The following ZEB2 variants were observed in gnomAD, a reference collection of about 807,000 sequenced individuals.
The protein encoded by ZEB2 is zinc finger E-box binding homeobox 2.
In ZEB2, 6 loss-of-function variants were observed where a neutral mutation model predicts 99.9. That is an observed-to-expected ratio of 0.06 (90% CI 0.03 to 0.12). ZEB2 has a LOEUF of 0.12. ZEB2 is among the 10% of genes least tolerant of loss of function. The probability of loss-of-function intolerance (pLI) is 1.00; values close to 1 mark genes in which losing one functional copy is unlikely to be tolerated. For missense variants in ZEB2, 969 were observed against 1,502.8 expected (o/e 0.64, Z 5.87); for synonymous variants, 517 against 542.5 (o/e 0.95, Z 0.65).
At chr2:144,440,499 ATATATATATATATATATTTTTTTTTT>A (rs1254467527) in intron 2 of ZEB2, among the ~76,000 whole-genome samples, 4,559 of 22,956 alleles carry the variant, frequency 0.2, 121 homozygotes, top group Non-Finnish European at 0.25. Context: ...ATATATATAT[ATATATATATATATATATTTTTTTTTT>A]TTTTTTTTTT....
intron 8 of ZEB2, among the ~76,000 whole-genome samples, chr2:144,397,054 C>T (rs572151738): frequency 6.6e-6 from 1 of 152,238 alleles, no homozygotes; most frequent in East Asian, 1.9e-4. Context: ...AAATGTATGT[C>T]TACCAACTAA....
At chr2:144,392,078 C>T (rs907538352) in intron 9 of ZEB2, among the ~76,000 whole-genome samples, 15 of 152,070 alleles carry the variant, frequency 9.9e-5, no homozygotes, top group Admixed American at 3.9e-4. Context: ...CTAAGTAGGA[C>T]GCATGCAGCA....
chr2:144,459,016 T>C (rs1419823351), intron 2 of ZEB2, among the ~76,000 whole-genome samples: 1 of 152,180 alleles, frequency 6.6e-6, no homozygotes, highest in East Asian at 1.9e-4. Flanking sequence ...CTGCTGTTTA[T>C]AATAAATGAA....
At chr2:144,473,754 G>A (rs937073052) in intron 2 of ZEB2, among the ~76,000 whole-genome samples, 4 of 152,032 alleles carry the variant, frequency 2.6e-5, no homozygotes, top group Admixed American at 6.6e-5. Flanking sequence ...AGAGTGAAGT[G>A]GCCGAAGAAA....
In ZEB2 at chr2:144,404,922, C is replaced by T. The variant is rs1414304969; in HGVS notation, c.506G>A (p.Arg169His). Residue 169 changes from arginine to histidine, a missense_variant, in exon 5 of 10, where the codon CGC becomes CAC. Physicochemically the swap from Arg to His is conservative, Grantham distance 29. Coordinates refer to ENST00000627532, the MANE Select transcript of ZEB2 (RefSeq NM_014795.4). ...HAVSIEEYLQ[R>H]SDTAIIYPEA... ...TGGGTAAATAATGGCTGTGTCACTG[C>T]GCTGAAGGTACTCCTCGATGCTGAC... The T allele has an allele frequency of 3.1e-6, 5 of 1,614,226 alleles. No individual in the cohort carries two copies. Among genetic ancestry groups the T allele is most frequent in the South Asian group, 1.1e-5 (1 of 91,084 alleles).
At chr2:144,501,846 T>C (rs1353112152) in intron 2 of ZEB2, among the ~76,000 whole-genome samples, 1 of 152,196 alleles carries the variant, frequency 6.6e-6, no homozygotes, top group African/African-American at 2.4e-5. Flanking sequence ...AATTTTCTCA[T>C]GAAACTAAGA....
intron 2 of ZEB2, among the ~76,000 whole-genome samples, chr2:144,474,744 T>C (rs538969186): frequency 6.6e-6 from 1 of 152,316 alleles, no homozygotes; most frequent in South Asian, 2.1e-4. Flanking sequence ...TCCATAACCA[T>C]GACCATTCAT....
At chr2:144,446,330 C>T (rs771336197) in intron 2 of ZEB2, among the ~76,000 whole-genome samples, 10 of 151,778 alleles carry the variant, frequency 6.6e-5, no homozygotes, top group Non-Finnish European at 1.5e-4. Flanking sequence ...TCCTTCCTTC[C>T]TCCCTTCTTT....
chr2:144,456,476 A>G (rs1200184885), intron 2 of ZEB2, among the ~76,000 whole-genome samples: 2 of 152,168 alleles, frequency 1.3e-5, no homozygotes, highest in African/African-American at 4.8e-5. Flanking sequence ...AGACAAGTTT[A>G]TAAATTCTCA....
At chr2:144,516,842 T>G (rs1705155991) in intron 2 of ZEB2, 1 of 151,626 alleles carries the variant, frequency 6.6e-6, no homozygotes, top group African/African-American at 2.4e-5. Context: ...GCAGTCTCTC[T>G]GCCACCCCCG....
chr2:144,428,522 T>C lies in ZEB2; in HGVS notation c.331+1247A>G, dbSNP rs79318030. The C allele has an allele frequency of 2.8e-3, 421 of 152,284 alleles. 2 individuals carry two copies. The highest frequency in any genetic ancestry group is 9.6e-3 in the African/African-American group (400 of 41,560). 9.4% of individuals were successfully genotyped at this position (152,284 alleles called of 1,614,324 possible). A position where few individuals can be genotyped will look rare whatever the true frequency, so the allele number is the denominator to read the frequency against. On this transcript the variant is annotated intron_variant, in intron 3 of 9. Transcript: ENST00000627532. ...TAATGGATATAACGATAAATGTTTATGTGTGGGATTGCTGAGATTCGAGAA... is the reference window on the plus strand; with the variant it reads ...TAATGGATATAACGATAAATGTTTACGTGTGGGATTGCTGAGATTCGAGAA...
chr2:144,473,185 C>T (rs1056099968), intron 2 of ZEB2, among the ~76,000 whole-genome samples: 2 of 152,116 alleles, frequency 1.3e-5, no homozygotes, highest in African/African-American at 4.8e-5. Context: ...CGGTTGGTAA[C>T]AGACTGGTTG....
intron 2 of ZEB2, among the ~76,000 whole-genome samples, chr2:144,494,051 C>T (rs547817263): frequency 6.2e-5 from 9 of 146,166 alleles, no homozygotes; most frequent in African/African-American, 1.8e-4. Context: ...ACTCGGGAGG[C>T]TGAGGCAGGA....
At chr2:144,514,357 A>C (rs901839063) in intron 2 of ZEB2, 1 of 152,302 alleles carries the variant, frequency 6.6e-6, no homozygotes, top group Non-Finnish European at 1.5e-5. Context: ...GTGCCATTCT[A>C]GGTTCCTGGA....
chr2:144,452,307 C>T (rs964917564), intron 2 of ZEB2, among the ~76,000 whole-genome samples: 1 of 152,024 alleles, frequency 6.6e-6, no homozygotes, highest in Non-Finnish European at 1.5e-5. Flanking sequence ...ATAATTCTCT[C>T]CTATACGCGG....
At chr2:144,426,353 T>C (rs1350452483) in intron 3 of ZEB2, among the ~76,000 whole-genome samples, 1 of 152,190 alleles carries the variant, frequency 6.6e-6, no homozygotes, top group Non-Finnish European at 1.5e-5. Context: ...TTAAGGTATT[T>C]CTGAGAAGTT....
At chr2:144,513,875 G>T in intron 2 of ZEB2, 3 of 1,528,678 alleles carry the variant, frequency 2.0e-6, no homozygotes. Context: ...CAGCGTCAGT[G>T]AAAGTGTTAC....
chr2:144,431,368 G>C (rs1000410581), intron 2 of ZEB2, among the ~76,000 whole-genome samples: 2 of 152,060 alleles, frequency 1.3e-5, no homozygotes, highest in Non-Finnish European at 2.9e-5. Context: ...GGTTCCCAGG[G>C]AGTAAAAAAG....
intron 2 of ZEB2, among the ~76,000 whole-genome samples, chr2:144,479,697 G>T (rs1199422128): frequency 9.2e-6 from 1 of 108,126 alleles, no homozygotes; most frequent in East Asian, 3.1e-4. Flanking sequence ...GGGGGGGGCG[G>T]GGGGTGGACT....
Sources: allele counts gnomAD v4.1 joint callset (sites outside exome capture counted in the v4.1 genomes callset), GRCh38; gene constraint gnomAD v4.1.1; transcripts MANE v1.5; gene names NCBI Gene and HGNC (gene_info 2026-07-23, HGNC 2026-07-21).